KCTD21: variants seen among roughly 807,000 people sequenced by gnomAD.
The protein encoded by KCTD21 is BTB/POZ domain-containing protein KCTD21.
In KCTD21, 9 loss-of-function variants were observed where a neutral mutation model predicts 13.2. That is an observed-to-expected ratio of 0.68 (90% CI 0.41 to 1.19). The LOEUF is 1.19. KCTD21 is among the 50% of genes most tolerant of loss of function. KCTD21 has a pLI of 0.01. For synonymous variants in KCTD21, 142 were observed against 137.4 expected (o/e 1.03, Z -0.23); for missense variants, 303 against 336.5 (o/e 0.90, Z 0.78).
chr11:78,176,540 A>G (rs567335794), intron 1 of KCTD21, among the ~76,000 whole-genome samples: 3 of 152,178 alleles, frequency 2.0e-5, no homozygotes, highest in South Asian at 2.1e-4. Flanking sequence ...AGATTCAGCA[A>G]TCCTTCCCTG....
chr11:78,188,590 CA>C lies in KCTD21; in HGVS notation c.-48del. 1.0e-6 allele frequency: 1 copy of C among 985,584 alleles called. No homozygotes were observed. Among genetic ancestry groups the C allele is most frequent in the Non-Finnish European group, 1.2e-6 (1 of 830,070 alleles). 61.1% of individuals were successfully genotyped at this position (985,584 alleles called of 1,614,324 possible). On this transcript the variant is annotated 5_prime_UTR_variant, in exon 1 of 2. Transcript: ENST00000340067. ...GCACCCACCTCCTGCCCTCGCTCTG[CA>C]GCCTCTCCCTCCGCGAGCGGCCAGC...
intron 1 of KCTD21, 107 bp from the exon 2 acceptor site, chr11:78,174,690 GAATT>G (rs1056084738): frequency 1.8e-5 from 13 of 735,270 alleles, no homozygotes; most frequent in Non-Finnish European, 2.7e-5. Flanking sequence ...GGATCGAAAT[GAATT>G]AATACCTGAT....
chr11:78,187,926 T>C (rs1177623531), intron 1 of KCTD21: 1 of 985,100 alleles, frequency 1.0e-6, no homozygotes. Context: ...GAGCCTCACA[T>C]TCCTCACCTG....
chr11:78,186,908 T>C, intron 1 of KCTD21: 23 of 985,470 alleles, frequency 2.3e-5, no homozygotes, highest in Non-Finnish European at 2.8e-5. Context: ...GGGGTGCCCC[T>C]TTCTATATCC....
intron 1 of KCTD21, among the ~76,000 whole-genome samples, chr11:78,179,275 T>C (rs1010663630): frequency 2.0e-5 from 3 of 151,934 alleles, no homozygotes; most frequent in African/African-American, 7.3e-5. Flanking sequence ...CCTCAAGTGA[T>C]CTGCCCATCC....
chr11:78,188,015 G>A, intron 1 of KCTD21: 2 of 985,412 alleles, frequency 2.0e-6, no homozygotes, highest in Non-Finnish European at 2.4e-6. Flanking sequence ...CTGAACTCGG[G>A]GATGGACTCT....
chr11:78,174,469 A>C lies in KCTD21; in HGVS notation c.86T>G (p.Leu29Arg). The change falls in exon 2 of 2, where the codon CTA becomes CGA. Residue 29 changes from leucine to arginine, a missense_variant. By Grantham distance (102) the Leu-to-Arg change is moderately radical. Transcript: ENST00000340067. The stretch of plus-strand genomic sequence containing the variant: ...CATCTTCCCGCTGAACATGGCGCCT[A>C]GCATGGAGTCAGGGAAGCTGGTCAG... ...ATLTSFPDSM[L>R]GAMFSGKMPT... 1 of 1,614,082 alleles carries C rather than the reference A, an allele frequency of 6.2e-7. No individual in the cohort carries two copies. Among genetic ancestry groups the C allele is most frequent in the Non-Finnish European group, 8.5e-7 (1 of 1,179,994 alleles).
At chr11:78,188,062 C>T (rs1460770407) in intron 1 of KCTD21, 1 of 985,328 alleles carries the variant, frequency 1.0e-6, no homozygotes, top group African/African-American at 1.7e-5. Context: ...TTCTATGCAT[C>T]ACAGGCTTTT....
intron 1 of KCTD21, among the ~76,000 whole-genome samples, chr11:78,186,051 TG>T (rs963689253): frequency 2.6e-5 from 4 of 151,946 alleles, no homozygotes; most frequent in Non-Finnish European, 5.9e-5. Flanking sequence ...AGGCCACTCC[TG>T]GGCCTCAGAA....
chr11:78,182,759 C>G (rs945654113), intron 1 of KCTD21, among the ~76,000 whole-genome samples: 1 of 152,172 alleles, frequency 6.6e-6, no homozygotes, highest in African/African-American at 2.4e-5. Flanking sequence ...TTCAGAGAAC[C>G]AGTCCTTTAG....
Position 78,174,345 on chromosome 11 carries a change from C to T in KCTD21, c.210G>A (p.Leu70=), listed in dbSNP as rs908900502. The change falls in exon 2 of 2, where the codon CTG becomes CTA. Residue 70 remains leucine (L), a synonymous_variant. Transcript: ENST00000340067. ...LNFLRTSHLD[L]PEDFQEMGLL... is the part of the protein sequence containing the mutation. ...GCCCCATCTCCTGGAAGTCCTCAGGCAGGTCAAGGTGGGAGGTCCGCAGGA... is the reference window on the plus strand; with the variant it reads ...GCCCCATCTCCTGGAAGTCCTCAGGTAGGTCAAGGTGGGAGGTCCGCAGGA... 2 of 1,614,102 alleles carry T rather than the reference C, an allele frequency of 1.2e-6. No homozygotes were observed. The highest frequency in any genetic ancestry group is 1.7e-6 in the Non-Finnish European group (2 of 1,180,024).
intron 1 of KCTD21, among the ~76,000 whole-genome samples, chr11:78,183,334 A>G (rs1267465506): frequency 6.6e-6 from 1 of 152,094 alleles, no homozygotes; most frequent in East Asian, 1.9e-4. Context: ...TCTGGAGTTC[A>G]AGACCAGCCT....
At chr11:78,179,799 C>G (rs1195218798) in intron 1 of KCTD21, among the ~76,000 whole-genome samples, 1 of 152,210 alleles carries the variant, frequency 6.6e-6, no homozygotes. Context: ...TCTACCCTCT[C>G]TGCTGTCTAC....
chr11:78,173,825 G>A lies in KCTD21; in HGVS notation c.730C>T (p.His244Tyr). 1 of 1,614,198 alleles carries A rather than the reference G, an allele frequency of 6.2e-7. No individual in the cohort carries two copies. Among genetic ancestry groups the A allele is most frequent in the Middle Eastern group, 1.6e-4 (1 of 6,062 alleles). ...DGFCIDSSHP[H>Y]ALDFMNNKII... is the part of the protein sequence containing the mutation. ...TTATTGTTCATAAAATCCAGAGCATGTGGGTGAGAAGAATCGATGCAGAAG... is the reference window on the plus strand; with the variant it reads ...TTATTGTTCATAAAATCCAGAGCATATGGGTGAGAAGAATCGATGCAGAAG... Residue 244 changes from histidine (H) to tyrosine (Y), a missense_variant, in exon 2 of 2, where the codon CAT (histidine) becomes TAT (tyrosine). Coordinates refer to ENST00000340067, the MANE Select transcript of KCTD21 (RefSeq NM_001029859.3).
Position 78,179,085 on chromosome 11 carries a change from T to C in KCTD21, c.-29-4502A>G, listed in dbSNP as rs143090688. 1.7e-3 allele frequency among the ~76,000 whole-genome samples: 259 copies of C among 152,324 alleles called. 2 individuals carry two copies. The highest frequency in any genetic ancestry group is 0.011 in the South Asian group (54 of 4,820). On this transcript the variant is annotated intron_variant, in intron 1 of 1. Coordinates refer to ENST00000340067, the MANE Select transcript of KCTD21 (RefSeq NM_001029859.3). The stretch of plus-strand genomic sequence containing the variant: ...CCTAAAGCCCAGAGAACTTTGTAAC[T>C]GGGCCTTTGAGTTCCTTGCTCCGGC...
Position 78,174,247 on chromosome 11 carries a change from A to C in KCTD21, c.308T>G (p.Leu103Arg), listed in dbSNP as rs745456875. 1.9e-6 allele frequency: 3 copies of C among 1,613,872 alleles called. No homozygotes were observed. In the Admixed American group the frequency reaches 5.0e-5, roughly 27 times the overall value. Residue 103 changes from leucine (L) to arginine (R), a missense_variant, in exon 2 of 2, where the codon CTC becomes CGC. Leu to Arg is a moderately radical substitution (Grantham distance 102). Coordinates refer to ENST00000340067, the MANE Select transcript of KCTD21 (RefSeq NM_001029859.3). ...IEALQEKEVE[L>R]SKAEKNAMLN... ...CATGGCATTCTTCTCGGCCTTGGAG[A>C]GCTCCACTTCCTTCTCCTGCAGGGC...
rs761524222 is a variant in KCTD21 at position 78,186,549 on chromosome 11, TAAC to T, written c.-30+2021_-30+2023del. The T allele has an allele frequency of 1.5e-4, 46 of 316,160 alleles. 2 individuals are homozygous for T. The highest frequency in any genetic ancestry group is 1.7e-3 in the Middle Eastern group (1 of 606). The allele number at this position is 316,160 out of a possible 1,614,324, so 19.6% of individuals were successfully genotyped here. A position where few individuals can be genotyped will look rare whatever the true frequency, so the allele number is the denominator to read the frequency against. On this transcript the variant is annotated intron_variant, in intron 1 of 1. Transcript: ENST00000340067. ...GTTCCTGGGCAGATGATGATGATCATAACAACAACAAACACTACAACGGCAATA... is the reference window on the plus strand; with the variant it reads ...GTTCCTGGGCAGATGATGATGATCATAACAACAAACACTACAACGGCAATA...
intron 1 of KCTD21, among the ~76,000 whole-genome samples, chr11:78,183,756 C>T (rs1862695315): frequency 1.3e-5 from 2 of 151,232 alleles, no homozygotes; most frequent in African/African-American, 4.9e-5. Context: ...CTGCCTCAGC[C>T]TCCCGAGTAG....
chr11:78,173,969 G>A lies in KCTD21; in HGVS notation c.586C>T (p.Pro196Ser). Reference protein sequence around the residue: ...LDWVANVEGLPEEEYTKQNLK... With the variant: ...LDWVANVEGLSEEEYTKQNLK... ...TTCTGCTTGGTGTACTCCTCCTCTG[G>A]CAGGCCCTCCACATTGGCCACCCAG... The change falls in exon 2 of 2, where the codon CCA becomes TCA. Residue 196 changes from proline to serine, a missense_variant. By Grantham distance (74) the Pro-to-Ser change is moderately conservative. Coordinates refer to ENST00000340067, the MANE Select transcript of KCTD21 (RefSeq NM_001029859.3). 2 of 1,613,958 alleles carry A rather than the reference G, an allele frequency of 1.2e-6. No homozygotes were observed. Among genetic ancestry groups the A allele is most frequent in the African/African-American group, 2.7e-5 (2 of 74,956 alleles).
Sources: allele counts gnomAD v4.1 joint callset (sites outside exome capture counted in the v4.1 genomes callset), GRCh38; gene constraint gnomAD v4.1.1; transcripts MANE v1.5; gene names NCBI Gene and HGNC (gene_info 2026-07-23, HGNC 2026-07-21).